Variants in PDE2A observed in about 807,000 individuals in gnomAD.
PDE2A encodes phosphodiesterase 2A, also known as cGMP-dependent 3',5'-cyclic phosphodiesterase.
PDE2A carries 53 observed loss-of-function variants against 133.6 expected under a neutral mutation model. The observed-to-expected ratio is 0.40, with a 90% CI of 0.32 to 0.50. The LOEUF (loss-of-function observed/expected upper bound fraction) is 0.50. PDE2A is among the 20% of genes least tolerant of loss of function. PDE2A has a pLI of 0.73. For synonymous variants in PDE2A, 491 were observed against 490.2 expected, an observed-to-expected ratio of 1.00 and a Z score of -0.02; for missense variants, 796 against 1,232.4, an observed-to-expected ratio of 0.65 and a Z score of 5.30.
intron 16 of PDE2A, 78 bp downstream of exon 16, chr11:72,585,293 G>C (rs1281992665): frequency 8.4e-7 from 1 of 1,187,916 alleles, no homozygotes; most frequent in Admixed American, 1.8e-5. Flanking sequence ...AAAGGGAAGT[G>C]GGTGGGGCAG....
chr11:72,598,520 C>T (rs1329246083), intron 4 of PDE2A: 3 of 1,289,134 alleles, frequency 2.3e-6, no homozygotes, highest in Non-Finnish European at 2.0e-6. Context: ...TGAGTTTGCA[C>T]CAAATGTCAC....
At chr11:72,670,020 T>C (rs1741126102) in intron 1 of PDE2A, among the ~76,000 whole-genome samples, 1 of 152,188 alleles carries the variant, frequency 6.6e-6, no homozygotes, top group African/African-American at 2.4e-5. Flanking sequence ...ACTCCTCTCC[T>C]GCTCCACCAC....
chr11:72,616,215 A>G (rs1857464184), intron 2 of PDE2A, among the ~76,000 whole-genome samples: 1 of 152,230 alleles, frequency 6.6e-6, no homozygotes, highest in Non-Finnish European at 1.5e-5. Context: ...TGAATGACGA[A>G]TGAATGAATG....
intron 1 of PDE2A, among the ~76,000 whole-genome samples, chr11:72,665,023 C>T (rs2135462549): frequency 6.6e-6 from 1 of 152,008 alleles, no homozygotes; most frequent in Non-Finnish European, 1.5e-5. Flanking sequence ...CCAGGCTGGT[C>T]TTGAACTCCC....
chr11:72,596,544 C>T, intron 6 of PDE2A, 49 bp downstream of exon 6: 1 of 1,161,648 alleles, frequency 8.6e-7, no homozygotes, highest in Non-Finnish European at 1.2e-6. Context: ...CCACCACTCC[C>T]TCCCATGGTC....
chr11:72,620,615 C>T (rs1663259660), intron 2 of PDE2A, among the ~76,000 whole-genome samples: 1 of 152,198 alleles, frequency 6.6e-6, no homozygotes, highest in African/African-American at 2.4e-5. Flanking sequence ...GGCACTTTGA[C>T]ACCTGTGCCT....
chr11:72,590,089 G>A lies in PDE2A; in HGVS notation c.756+103C>T. ...TTCAGGCGGGTGGAGGAGAGAGGAA[G>A]GAAGGACATCGTAATTGGAACTGAG... On this transcript the variant is annotated intron_variant, in intron 9 of 30. Coordinates refer to ENST00000334456, the MANE Select transcript of PDE2A (RefSeq NM_002599.5). This position sits in a 1 kb window ranked among gnomAD's most constrained non-coding sequence, Gnocchi z 4.8. 1 of 1,396,256 alleles carries A rather than the reference G, an allele frequency of 7.2e-7. No homozygotes were observed. Among genetic ancestry groups the A allele is most frequent in the Non-Finnish European group, 9.9e-7 (1 of 1,012,050 alleles). 86.5% of individuals were successfully genotyped at this position (1,396,256 alleles called of 1,614,324 possible).
At chr11:72,657,854 G>T (rs1359187175) in intron 1 of PDE2A, 2 of 455,876 alleles carry the variant, frequency 4.4e-6, no homozygotes, top group Admixed American at 2.4e-5. Context: ...CACCTACTGT[G>T]TGTCCAGCTT....
At chr11:72,655,891 G>A (rs1287158338) in intron 1 of PDE2A, among the ~76,000 whole-genome samples, 1 of 152,220 alleles carries the variant, frequency 6.6e-6, no homozygotes, top group Non-Finnish European at 1.5e-5. Flanking sequence ...GGGCCCCCCA[G>A]AGTGGGGGCT....
intron 1 of PDE2A, among the ~76,000 whole-genome samples, chr11:72,654,486 C>A (rs1854837052): frequency 6.6e-6 from 1 of 152,100 alleles, no homozygotes; most frequent in African/African-American, 2.4e-5. Flanking sequence ...AGCAAGGTGA[C>A]CAGGCCTGCT....
intron 2 of PDE2A, among the ~76,000 whole-genome samples, chr11:72,639,027 T>A (rs1858834434): frequency 6.6e-6 from 1 of 152,182 alleles, no homozygotes; most frequent in Non-Finnish European, 1.5e-5. Context: ...CACTGCGGCA[T>A]CGACCCCAGC....
intron 4 of PDE2A, among the ~76,000 whole-genome samples, chr11:72,602,877 G>A (rs1856818850): frequency 6.6e-6 from 1 of 152,210 alleles, no homozygotes; most frequent in African/African-American, 2.4e-5. Flanking sequence ...TCCCCATCCT[G>A]CTGGGAGCTC....
At chr11:72,618,945 G>A (rs1028626791) in intron 2 of PDE2A, among the ~76,000 whole-genome samples, 1 of 152,188 alleles carries the variant, frequency 6.6e-6, no homozygotes, top group African/African-American at 2.4e-5. Flanking sequence ...CCTTTGAAGG[G>A]CCCAGGAAGC....
chr11:72,584,496 G>GGACCC (rs1403971113), intron 18 of PDE2A, 55 bp downstream of exon 18: 1 of 1,532,644 alleles, frequency 6.5e-7, no homozygotes, highest in Non-Finnish European at 8.8e-7. Flanking sequence ...CCGCTCGCTC[G>GGACCC]GACCCGCCCC....
chr11:72,642,706 G>C (rs1400107646), intron 1 of PDE2A, among the ~76,000 whole-genome samples: 1 of 151,926 alleles, frequency 6.6e-6, no homozygotes, highest in Non-Finnish European at 1.5e-5. Context: ...TCTCGCAGGG[G>C]CCGCTCTCAG....
At chr11:72,582,269 T>A in intron 21 of PDE2A, 175 bp downstream of exon 21, 1 of 672,962 alleles carries the variant, frequency 1.5e-6, no homozygotes, top group Non-Finnish European at 2.5e-6. Context: ...CTCTAGCCCC[T>A]GGGCAGGCCC....
intron 1 of PDE2A, among the ~76,000 whole-genome samples, chr11:72,647,397 G>A (rs530415142): frequency 6.6e-6 from 1 of 152,312 alleles, no homozygotes; most frequent in Admixed American, 6.5e-5. Flanking sequence ...TTCTCTTTGA[G>A]TGCTCAGGAA....
intron 19 of PDE2A, 94 bp from the exon 20 acceptor site, chr11:72,583,609 C>T (rs1479688465): frequency 3.7e-6 from 3 of 821,302 alleles, no homozygotes; most frequent in African/African-American, 3.3e-5. Context: ...AAAGACACCC[C>T]ACTTCCTGTC....
chr11:72,592,626 C>A (rs972093023), intron 6 of PDE2A, among the ~76,000 whole-genome samples: 1 of 152,066 alleles, frequency 6.6e-6, no homozygotes, highest in Non-Finnish European at 1.5e-5. Context: ...AGATGAGGAT[C>A]CAGGTAGGGG....
Sources: gnomAD v4.1 joint callset for allele counts (sites outside exome capture counted in the v4.1 genomes callset) on GRCh38, gnomAD v4.1.1 for gene constraint, Gnocchi (gnomAD v3.1) non-coding constraint, MANE v1.5 for transcripts, NCBI Gene and HGNC (gene_info 2026-07-23, HGNC 2026-07-21) for gene names.